GLT1D1: variants seen among roughly 807,000 people sequenced by gnomAD.
The protein encoded by GLT1D1 is glycosyltransferase 1 domain containing 1, also known as glycosyltransferase 1 domain-containing protein 1.
Under a neutral mutation model 28.7 loss-of-function variants are expected in GLT1D1, and 21 were observed. That is an observed-to-expected ratio of 0.73 (90% CI 0.52 to 1.05). GLT1D1 has a LOEUF of 1.05. GLT1D1 is among the 50% of genes least tolerant of loss of function. GLT1D1 has a pLI of 0.00. For missense variants in GLT1D1, 343 were observed against 330.6 expected (o/e 1.04, Z -0.29); for synonymous variants, 147 against 124.8 (o/e 1.18, Z -1.19).
intron 6 of GLT1D1, 127 bp from the exon 11 acceptor site, chr12:128,957,418 C>G (rs554236976): frequency 9.8e-6 from 6 of 610,854 alleles, no homozygotes; most frequent in South Asian, 5.7e-5. Flanking sequence ...TTTGGAAAGG[C>G]GTATTTTTTG....
chr12:128,853,576 G>A lies in GLT1D1; in HGVS notation c.-6G>A. The A allele has an allele frequency of 8.9e-7, 1 of 1,118,694 alleles. No individual in the cohort carries two copies. The highest frequency in any genetic ancestry group is 4.1e-5 in the Admixed American group (1 of 24,498). The allele number at this position is 1,118,694 out of a possible 1,614,324, so 69.3% of individuals were successfully genotyped here. A position where few individuals can be genotyped will look rare whatever the true frequency, so the allele number is the denominator to read the frequency against. Reference sequence around the variant, plus strand: ...GCCGGTCGATGGCCCGGGCGGCGGCGGCGGCATGCGGCTCCTGTTCCTGGC... The same window carrying A: ...GCCGGTCGATGGCCCGGGCGGCGGCAGCGGCATGCGGCTCCTGTTCCTGGC... On this transcript the variant is annotated 5_prime_UTR_variant, in exon 1 of 8. Coordinates refer to ENST00000281703, the MANE Select transcript of GLT1D1 (RefSeq NM_144669.3).
chr12:128,857,642 C>T (rs1283563014), intron 1 of GLT1D1, among the ~76,000 whole-genome samples: 1 of 152,118 alleles, frequency 6.6e-6, no homozygotes, highest in Non-Finnish European at 1.5e-5. Flanking sequence ...TGTTCTCCTC[C>T]AAAATCTCTG....
chr12:128,899,907 TG>T (rs1481224188), intron 4 of GLT1D1, among the ~76,000 whole-genome samples: 1 of 152,224 alleles, frequency 6.6e-6, no homozygotes, highest in East Asian at 1.9e-4. Context: ...CTATAAATGT[TG>T]CAGCAACCTT....
intron 4 of GLT1D1, chr12:128,930,571 G>A (rs1566143755): frequency 6.6e-6 from 1 of 152,220 alleles, no homozygotes; most frequent in Non-Finnish European, 1.5e-5. Context: ...TGGGATGGAA[G>A]AAATACTTAA....
intron 2 of GLT1D1, among the ~76,000 whole-genome samples, chr12:128,878,714 C>T (rs915621781): frequency 3.3e-5 from 5 of 152,044 alleles, no homozygotes; most frequent in African/African-American, 1.2e-4. Flanking sequence ...CTGAAATAAC[C>T]CTCCCACCTC....
chr12:128,863,377 TA>T (rs66540771), intron 1 of GLT1D1, among the ~76,000 whole-genome samples: 38,922 of 146,102 alleles, frequency 0.27, 5,291 homozygotes, highest in South Asian at 0.53. Context: ...GATAATTTAT[TA>T]TTTTTTTTTT....
chr12:128,953,377 A>G (rs1468980566), intron 6 of GLT1D1, among the ~76,000 whole-genome samples: 1 of 152,072 alleles, frequency 6.6e-6, no homozygotes, highest in Non-Finnish European at 1.5e-5. Context: ...GGAGCTCACA[A>G]TATTGCCCAA....
intron 4 of GLT1D1, among the ~76,000 whole-genome samples, chr12:128,916,672 T>TAGCC (rs1363514787): frequency 6.6e-6 from 1 of 152,234 alleles, no homozygotes; most frequent in East Asian, 1.9e-4. Context: ...CGTGAGTGTC[T>TAGCC]AGCCAATTGT....
Position 128,957,520 on chromosome 12 carries a change from C to T in GLT1D1, c.541-25C>T, listed in dbSNP as rs139602920. The T allele has an allele frequency of 1.9e-4, 297 of 1,525,748 alleles. No individual in the cohort carries two copies. In the African/African-American group the frequency reaches 3.6e-3, roughly 18 times the overall value. 94.5% of individuals were successfully genotyped at this position (1,525,748 alleles called of 1,614,324 possible). A position where few individuals can be genotyped will look rare whatever the true frequency, so the allele number is the denominator to read the frequency against. ...AGGCTCTTGAAATGACTGCCTTCCA[C>T]CCCCTTTTCTCCTGTCTCCTCCAGG... On this transcript the variant is annotated intron_variant, in intron 6 of 7. Transcript: ENST00000281703.
At chr12:128,866,845 T>A (rs1956539940) in intron 1 of GLT1D1, among the ~76,000 whole-genome samples, 1 of 151,722 alleles carries the variant, frequency 6.6e-6, no homozygotes, top group Admixed American at 6.6e-5. Flanking sequence ...GGTCTTGAAC[T>A]CCTGACCTCA....
chr12:128,912,814 G>A (rs905573998), intron 4 of GLT1D1, among the ~76,000 whole-genome samples: 4 of 151,886 alleles, frequency 2.6e-5, no homozygotes, highest in African/African-American at 9.7e-5. Flanking sequence ...AGGCAGGCAT[G>A]AGCCGCCATG....
chr12:128,968,091 G>T (rs1421972413), intron 7 of GLT1D1, among the ~76,000 whole-genome samples: 1 of 152,046 alleles, frequency 6.6e-6, no homozygotes, highest in Non-Finnish European at 1.5e-5. Flanking sequence ...CCGCCTCCCG[G>T]TTCACATCAT....
rs777771856 is a variant in GLT1D1 at position 128,957,536 on chromosome 12, C to T, written c.541-9C>T. 1 of 1,599,028 alleles carries T rather than the reference C, an allele frequency of 6.3e-7. No individual in the cohort carries two copies. Among genetic ancestry groups the T allele is most frequent in the South Asian group, 1.1e-5 (1 of 90,758 alleles). On this transcript the variant is annotated splice_polypyrimidine_tract_variant and intron_variant, in intron 6 of 7. Transcript: ENST00000281703. ...TGCCTTCCACCCCCTTTTCTCCTGT[C>T]TCCTCCAGGCAATGGATTTAGAAGT...
intron 4 of GLT1D1, among the ~76,000 whole-genome samples, chr12:128,932,203 TC>T (rs1873993564): frequency 6.6e-6 from 1 of 152,038 alleles, no homozygotes; most frequent in Non-Finnish European, 1.5e-5. Flanking sequence ...AGATCCCCCC[TC>T]TCCATTTCCA....
intron 4 of GLT1D1, among the ~76,000 whole-genome samples, chr12:128,909,088 A>T (rs181647064): frequency 7.0e-4 from 107 of 152,292 alleles, no homozygotes; most frequent in African/African-American, 2.4e-3. Context: ...CAGGACACCA[A>T]CGCTTCTTCC....
intron 2 of GLT1D1, among the ~76,000 whole-genome samples, chr12:128,882,006 C>T (rs1311895815): frequency 6.6e-6 from 1 of 151,870 alleles, no homozygotes; most frequent in Non-Finnish European, 1.5e-5. Flanking sequence ...CAGAAATAAC[C>T]TTGCAGGATC....
In GLT1D1 at chr12:128,861,618, G is replaced by C. The variant is rs140513632; in HGVS notation, c.68+7969G>C. Among the ~76,000 whole-genome samples the C allele has an allele frequency of 2.0e-3, 304 of 152,334 alleles. 1 individual carries two copies. The highest frequency in any genetic ancestry group is 2.9e-3 in the Non-Finnish European group (199 of 68,036). ...TCATAGCTGGACTTGGTGCAGCGGG[G>C]TGGTGACTGTGTGTTTGTTGTGTTT... On this transcript the variant is annotated intron_variant, in intron 1 of 7. Transcript: ENST00000281703.
chr12:128,938,335 G>T (rs1874772554), intron 4 of GLT1D1, among the ~76,000 whole-genome samples: 1 of 152,166 alleles, frequency 6.6e-6, no homozygotes, highest in Non-Finnish European at 1.5e-5. Flanking sequence ...CAAAAAAATT[G>T]TGTATGGCTA....
chr12:128,853,713 C>T, intron 1 of GLT1D1, 64 bp downstream of exon 1: 2 of 987,342 alleles, frequency 2.0e-6, no homozygotes, highest in Non-Finnish European at 2.5e-6. Context: ...GGACGCGGGA[C>T]CCGGGGACGC....
Sources: gnomAD v4.1 joint callset for allele counts (sites outside exome capture counted in the v4.1 genomes callset) on GRCh38, gnomAD v4.1.1 for gene constraint, MANE v1.5 for transcripts, NCBI Gene and HGNC (gene_info 2026-07-23, HGNC 2026-07-21) for gene names.